Variants in FAM20C observed in about 807,000 individuals in gnomAD.
FAM20C encodes extracellular serine/threonine protein kinase FAM20C.
FAM20C carries 40 observed loss-of-function variants against 51.5 expected under a neutral mutation model. The ratio of observed to expected loss-of-function variants is 0.78; its 90% CI spans 0.60 to 1.01. The LOEUF (loss-of-function observed/expected upper bound fraction) is 1.01. Among genes scored for constraint, FAM20C ranks in the 50% least tolerant of loss-of-function variants. The pLI is 0.00. For synonymous variants in FAM20C, 406 were observed against 380.6 expected (o/e 1.07, Z -0.78); for missense variants, 861 against 844.7 (o/e 1.02, Z -0.24).
At chr7:217,412 T>A (rs749273325) in intron 3 of FAM20C, among the ~76,000 whole-genome samples, 2 of 152,258 alleles carry the variant, frequency 1.3e-5, no homozygotes, top group Admixed American at 6.5e-5. Context: ...GGTGCCCCCC[T>A]TTAGGGTAGA....
At chr7:259,178 G>C (rs1397057836) in intron 9 of FAM20C, among the ~76,000 whole-genome samples, 3 of 152,200 alleles carry the variant, frequency 2.0e-5, no homozygotes, top group Non-Finnish European at 4.4e-5. Context: ...GTGCTGAGCT[G>C]GGGTCGGTCT....
chr7:241,582 A>G (rs1787947789), intron 3 of FAM20C, among the ~76,000 whole-genome samples: 1 of 128,234 alleles, frequency 7.8e-6, no homozygotes, highest in African/African-American at 3.5e-5. Flanking sequence ...GTGTGTGTGC[A>G]CTCCTGCGAG....
At chr7:199,186 C>T (rs1388881345) in intron 2 of FAM20C, among the ~76,000 whole-genome samples, 3 of 152,252 alleles carry the variant, frequency 2.0e-5, no homozygotes, top group African/African-American at 4.8e-5. Context: ...ACGGCTGTTC[C>T]GAGGGCCCTT....
At chr7:248,809 G>T (rs551392003) in intron 5 of FAM20C, among the ~76,000 whole-genome samples, 5 of 150,288 alleles carry the variant, frequency 3.3e-5, no homozygotes, top group Non-Finnish European at 5.9e-5. Flanking sequence ...CCTGGCACAG[G>T]GGCCCGCATT....
chr7:223,453 G>C (rs1017401207), intron 3 of FAM20C, among the ~76,000 whole-genome samples: 4 of 152,222 alleles, frequency 2.6e-5, no homozygotes, highest in Non-Finnish European at 4.4e-5. Flanking sequence ...CTCGCTCTCC[G>C]GGGCTGTCCT....
intron 3 of FAM20C, among the ~76,000 whole-genome samples, chr7:245,608 G>A (rs1415862932): frequency 1.3e-5 from 2 of 152,204 alleles, no homozygotes; most frequent in African/African-American, 2.4e-5. Flanking sequence ...ACGCTTACAC[G>A]CTTACGCGCT....
intron 3 of FAM20C, among the ~76,000 whole-genome samples, chr7:211,724 A>G (rs1384943209): frequency 6.6e-6 from 1 of 152,180 alleles, no homozygotes. Flanking sequence ...CAGCATAGCC[A>G]GGAAACAGGC....
chr7:205,790 C>G (rs1019823201), intron 2 of FAM20C, among the ~76,000 whole-genome samples: 7 of 152,066 alleles, frequency 4.6e-5, no homozygotes, highest in African/African-American at 2.4e-5. Flanking sequence ...TCCTGGCCTT[C>G]CTGGAGGATT....
At position 209,082 on chromosome 7, in the gene FAM20C, G is replaced by A. The variant is rs1015728321; in HGVS notation, c.863+106G>A. 49 of 1,123,754 alleles carry A rather than the reference G, an allele frequency of 4.4e-5. No homozygotes were observed. The South Asian group carries it at 6.5e-4, about 15-fold the overall frequency. The allele number at this position is 1,123,754 out of a possible 1,614,324, so 69.6% of individuals were successfully genotyped here. A position where few individuals can be genotyped will look rare whatever the true frequency, so the allele number is the denominator to read the frequency against. On this transcript the variant is annotated intron_variant, in intron 3 of 9. Transcript: ENST00000313766. ...CCGTGTCTCCTCCCAGGGTGTTTTG[G>A]GGAGACTGTGGGTGACCACTCTCAA...
rs1785641354 is a variant in FAM20C at position 193,101 on chromosome 7, G to A, written c.-99G>A. The A allele has an allele frequency of 8.9e-7, 1 of 1,125,678 alleles. No individual in the cohort carries two copies. The highest frequency in any genetic ancestry group is 4.1e-5 in the East Asian group (1 of 24,632). The allele number at this position is 1,125,678 out of a possible 1,614,324, so 69.7% of individuals were successfully genotyped here. Reference sequence around the variant, plus strand: ...GAGCTGGTAGCCGCCCGGCACCGATGGACCTTGACCCGCGAGGCGGCGCCG... The same window carrying A: ...GAGCTGGTAGCCGCCCGGCACCGATAGACCTTGACCCGCGAGGCGGCGCCG... On this transcript the variant is annotated 5_prime_UTR_variant, in exon 1 of 10. An upstream start codon of the reference 5' UTR is lost. Transcript: ENST00000313766.
intron 2 of FAM20C, among the ~76,000 whole-genome samples, chr7:205,001 C>G (rs1340453611): frequency 1.3e-5 from 2 of 152,262 alleles, no homozygotes; most frequent in Non-Finnish European, 2.9e-5. Flanking sequence ...AGCATTGCCC[C>G]CATGTAGTCC....
At chr7:235,637 G>A (rs1031942876) in intron 3 of FAM20C, among the ~76,000 whole-genome samples, 2 of 152,354 alleles carry the variant, frequency 1.3e-5, no homozygotes, top group East Asian at 1.9e-4. Flanking sequence ...TGGCAGCGCC[G>A]TCTCCTCCCG....
intron 3 of FAM20C, among the ~76,000 whole-genome samples, chr7:232,209 C>A (rs1414827667): frequency 2.0e-5 from 3 of 152,240 alleles, no homozygotes; most frequent in Non-Finnish European, 4.4e-5. Context: ...CTTGGAAAAA[C>A]CTCGGGGGAC....
At chr7:232,657 GT>G (rs1238789910) in intron 3 of FAM20C, among the ~76,000 whole-genome samples, 2 of 152,230 alleles carry the variant, frequency 1.3e-5, no homozygotes, top group East Asian at 3.8e-4. Context: ...GCGTTGAAAT[GT>G]TTGTTAGCAG....
chr7:222,770 G>A (rs562244641), intron 3 of FAM20C, among the ~76,000 whole-genome samples: 2 of 152,322 alleles, frequency 1.3e-5, no homozygotes, highest in Middle Eastern at 3.4e-3. Context: ...TCATGTGTAT[G>A]AGTAGGTGAG....
rs375245018 is a variant in FAM20C, at chr7:199,631, A to G, written c.784+3899A>G. Among the ~76,000 whole-genome samples the G allele has an allele frequency of 1.3e-4, 20 of 152,238 alleles. 1 individual carries two copies. Among genetic ancestry groups the G allele is most frequent in the African/African-American group, 3.9e-4 (16 of 41,548 alleles). On this transcript the variant is annotated intron_variant, in intron 2 of 9. Coordinates refer to ENST00000313766, the MANE Select transcript of FAM20C (RefSeq NM_020223.4). Reference sequence around the variant, plus strand: ...AATCTCTCCTGCTCAGAACCACCCAATCCAATTCATGGAGCGCCACGTGGT... The same window carrying G: ...AATCTCTCCTGCTCAGAACCACCCAGTCCAATTCATGGAGCGCCACGTGGT...
At chr7:259,693 CT>C (rs2115182934) in intron 9 of FAM20C, 37 bp from the exon 10 acceptor site, 1 of 1,511,914 alleles carries the variant, frequency 6.6e-7, no homozygotes, top group East Asian at 2.5e-5. Flanking sequence ...GGCATCTCCC[CT>C]GTCCCGTGCC....
intron 3 of FAM20C, among the ~76,000 whole-genome samples, chr7:217,099 G>T (rs1202067235): frequency 6.6e-6 from 1 of 152,168 alleles, no homozygotes; most frequent in Non-Finnish European, 1.5e-5. Flanking sequence ...GAGCGAAGGG[G>T]CCCAAGAGGA....
chr7:217,138 G>A (rs751716656), intron 3 of FAM20C, among the ~76,000 whole-genome samples: 2 of 152,150 alleles, frequency 1.3e-5, no homozygotes, highest in Non-Finnish European at 2.9e-5. Context: ...CCCCAGGGGT[G>A]AGCAGATGCA....
Sources: gnomAD v4.1 joint callset for allele counts (sites outside exome capture counted in the v4.1 genomes callset) on GRCh38, gnomAD v4.1.1 for gene constraint, MANE v1.5 for transcripts, NCBI Gene and HGNC (gene_info 2026-07-23, HGNC 2026-07-21) for gene names.